DOK1: variants seen among roughly 807,000 people sequenced by gnomAD.
The protein encoded by DOK1 is Downstream of tyrosine kinase 1.
DOK1 carries 12 observed loss-of-function variants against 24.0 expected under a neutral mutation model. The observed-to-expected ratio is 0.50, with a 90% confidence interval of 0.32 to 0.81. The LOEUF (loss-of-function observed/expected upper bound fraction) is 0.81, where lower values mean the gene tolerates loss of function less well. Among genes scored for constraint, DOK1 ranks in the 30% least tolerant of loss-of-function variants. The pLI, the probability that DOK1 is intolerant of heterozygous loss-of-function variation, is 0.03. For synonymous variants in DOK1, 250 were observed against 260.9 expected, an observed-to-expected ratio of 0.96 and a Z score of 0.40; for missense variants, 591 against 620.7, an observed-to-expected ratio of 0.95 and a Z score of 0.51.
chr2:74,554,369 G>A (rs960420886), upstream of DOK1: 4 of 217,912 alleles, frequency 1.8e-5, no homozygotes, highest in Non-Finnish European at 2.7e-5. This position sits in a 1 kb window ranked among gnomAD's most constrained non-coding sequence, Gnocchi z 4.9. Flanking sequence ...ATAAAGCCCC[G>A]GAGGCCCGTG....
At chr2:74,554,383 G>T, upstream of DOK1, 1 of 243,154 alleles carries the variant, frequency 4.1e-6, no homozygotes, top group South Asian at 6.2e-5. This position sits in a 1 kb window ranked among gnomAD's most constrained non-coding sequence, Gnocchi z 4.9. Flanking sequence ...GCCCGTGTGG[G>T]TCTCTCCGGT....
At chr2:74,554,637 C>T, upstream of DOK1, 1 of 976,224 alleles carries the variant, frequency 1.0e-6, no homozygotes, top group South Asian at 1.6e-5. The surrounding 1 kb of genome is among the most constrained non-coding windows in gnomAD (Gnocchi z 4.9). Flanking sequence ...CGCGACCCCC[C>T]CAGCGGCTGC....
In DOK1 at chr2:74,556,968, G is replaced by A. The variant is rs1677522432; in HGVS notation, c.1300G>A (p.Gly434Ser). 1.2e-6 allele frequency: 2 copies of A among 1,614,202 alleles called. No homozygotes were observed. The highest frequency in any genetic ancestry group is 1.7e-6 in the Non-Finnish European group (2 of 1,180,026). The change falls in exon 5 of 5, where the codon GGT becomes AGT. Residue 434 changes from glycine to serine, a missense_variant. Gly to Ser is a moderately conservative substitution (Grantham distance 56). Transcript: ENST00000233668. This position sits in a 1 kb window ranked among gnomAD's most constrained non-coding sequence, Gnocchi z 4.1. ...KPQGPAFPEPGTATGSGIKSH... is the reference protein window; with the variant it reads ...KPQGPAFPEPSTATGSGIKSH... ...CCAGGGCCCAGCCTTCCCTGAACCT[G>A]GTACTGCAACTGGCAGTGGCATCAA... is the stretch of plus-strand genomic sequence containing the variant.
upstream of DOK1, among the ~76,000 whole-genome samples, chr2:74,551,925 CTG>C (rs1421036987): frequency 6.6e-6 from 1 of 152,264 alleles, no homozygotes; most frequent in Non-Finnish European, 1.5e-5. Flanking sequence ...GCTGCAGTGT[CTG>C]TGACCCCTTG....
Position 74,556,172 on chromosome 2 carries a change from CCTTT to C in DOK1, c.639+98_639+101del. 1 of 1,529,396 alleles carries C rather than the reference CCTTT, an allele frequency of 6.5e-7. No individual in the cohort carries two copies. Among genetic ancestry groups the C allele is most frequent in the Non-Finnish European group, 8.8e-7 (1 of 1,138,360 alleles). The allele number at this position is 1,529,396 out of a possible 1,614,324, so 94.7% of individuals were successfully genotyped here. A position where few individuals can be genotyped will look rare whatever the true frequency, so the allele number is the denominator to read the frequency against. ...TGGGAAGCTCTGACCTTTGGATCCC[CCTTT>C]CTTGCCTACCCGGTGACCCCGCGTC... On this transcript the variant is annotated intron_variant, in intron 4 of 4. Coordinates refer to ENST00000233668, the MANE Select transcript of DOK1 (RefSeq NM_001381.5). The surrounding 1 kb of genome is among the most constrained non-coding windows in gnomAD (Gnocchi z 4.1).
At chr2:74,554,377 G>A, upstream of DOK1, 1 of 244,586 alleles carries the variant, frequency 4.1e-6, no homozygotes, top group Non-Finnish European at 8.0e-6. The surrounding 1 kb of genome is among the most constrained non-coding windows in gnomAD (Gnocchi z 4.9). Context: ...CCGGAGGCCC[G>A]TGTGGGTCTC....
Position 74,554,989 on chromosome 2 carries a change from T to C in DOK1, c.61-165T>C. 1 of 1,390,750 alleles carries C rather than the reference T, an allele frequency of 7.2e-7. No homozygotes were observed. The highest frequency in any genetic ancestry group is 9.9e-7 in the Non-Finnish European group (1 of 1,011,520). The allele number at this position is 1,390,750 out of a possible 1,614,324, so 86.2% of individuals were successfully genotyped here. On this transcript the variant is annotated intron_variant, in intron 1 of 4. Transcript: ENST00000233668. This position sits in a 1 kb window ranked among gnomAD's most constrained non-coding sequence, Gnocchi z 4.9. ...GGAAGCGTCTGTAGTCTAGGGGTTC[T>C]GGTCCTGGGGAGACGGAGTGGCATC...
chr2:74,552,570 G>A (rs1161916684), upstream of DOK1: 20 of 1,608,924 alleles, frequency 1.2e-5, no homozygotes, highest in South Asian at 1.1e-4. Flanking sequence ...CCCCAAGCAC[G>A]AACTGCACAG....
upstream of DOK1, among the ~76,000 whole-genome samples, chr2:74,551,213 C>T (rs573015908): frequency 2.0e-5 from 3 of 152,348 alleles, no homozygotes; most frequent in South Asian, 2.1e-4. Flanking sequence ...GGATTATAGG[C>T]GTGAGCCACT....
At chr2:74,551,474 A>G (rs1677006037), upstream of DOK1, among the ~76,000 whole-genome samples, 1 of 152,234 alleles carries the variant, frequency 6.6e-6, no homozygotes, top group African/African-American at 2.4e-5. Flanking sequence ...AAAATCCTTC[A>G]GCCACACGAC....
upstream of DOK1, chr2:74,549,973 A>G (rs1676895812): frequency 1.0e-6 from 1 of 985,486 alleles, no homozygotes; most frequent in Non-Finnish European, 1.2e-6. The surrounding 1 kb of genome is among the most constrained non-coding windows in gnomAD (Gnocchi z 5.3). Context: ...GAAGCTGGAG[A>G]GGCTCATGCC....
Position 74,555,840 on chromosome 2 carries a change from C to T in DOK1, c.455-54C>T. ...CTATGCTCATGAGTCCTCTGGGTCC[C>T]CACTGCTGCCCCCGTCCCTCCCCCG... is the stretch of plus-strand genomic sequence containing the variant. On this transcript the variant is annotated intron_variant, in intron 3 of 4. Transcript: ENST00000233668. The surrounding 1 kb of genome is among the most constrained non-coding windows in gnomAD (Gnocchi z 6.1). 1.3e-6 allele frequency: 2 copies of T among 1,582,484 alleles called. No homozygotes were observed. Among genetic ancestry groups the T allele is most frequent in the Non-Finnish European group, 1.7e-6 (2 of 1,163,286 alleles).
chr2:74,556,955 C>A lies in DOK1; in HGVS notation c.1287C>A (p.Ala429=), dbSNP rs762206140. Residue 429 remains alanine (A), a synonymous_variant, in exon 5 of 5, where the codon GCC becomes GCA. Coordinates refer to ENST00000233668, the MANE Select transcript of DOK1 (RefSeq NM_001381.5). This position sits in a 1 kb window ranked among gnomAD's most constrained non-coding sequence, Gnocchi z 4.1. ...TTGCTCCCAAGCCCCAGGGCCCAGC[C>A]TTCCCTGAACCTGGTACTGCAACTG... ...PLLAPKPQGP[A]FPEPGTATGS... is the part of the protein sequence containing the mutation. The A allele has an allele frequency of 6.2e-7, 1 of 1,614,170 alleles. No individual in the cohort carries two copies. The highest frequency in any genetic ancestry group is 8.5e-7 in the Non-Finnish European group (1 of 1,179,996).
At chr2:74,554,592 C>G (rs867327698), upstream of DOK1, 7 of 664,260 alleles carry the variant, frequency 1.1e-5, no homozygotes, top group Middle Eastern at 8.4e-4. This position sits in a 1 kb window ranked among gnomAD's most constrained non-coding sequence, Gnocchi z 4.9. Flanking sequence ...CCGGGGGTCT[C>G]CACCATTCCT....
chr2:74,555,307 A>T lies in DOK1; in HGVS notation c.214A>T (p.Ser72Cys). 6 of 1,614,034 alleles carry T rather than the reference A, an allele frequency of 3.7e-6. No individual in the cohort carries two copies. Among genetic ancestry groups the T allele is most frequent in the African/African-American group, 1.3e-5 (1 of 75,014 alleles). Residue 72 changes from serine (S) to cysteine (C), a missense_variant, in exon 2 of 5, where the codon AGT (serine) becomes TGT (cysteine). By Grantham distance (112) the Ser-to-Cys change is moderately radical. Transcript: ENST00000233668. This position sits in a 1 kb window ranked among gnomAD's most constrained non-coding sequence, Gnocchi z 6.1. The stretch of plus-strand genomic sequence containing the variant: ...AGTGATCCGTCTGGCTGAGTGTGTG[A>T]GTGTGGCCCCCGTCACCGTGGAGAC... ...CKVIRLAECV[S>C]VAPVTVETPP...
At position 74,549,571 on chromosome 2, in the gene DOK1, G is replaced by A; in HGVS notation, c.-358+399G>A. The stretch of plus-strand genomic sequence containing the variant: ...CGAATTCGCACCTCCTCCACTTGCA[G>A]GTGATGCTCTACCTGGGGGCGGGGC... On this transcript the variant is annotated intron_variant, in intron 1 of 4. Transcript: ENST00000409429. This position sits in a 1 kb window ranked among gnomAD's most constrained non-coding sequence, Gnocchi z 5.3. The A allele has an allele frequency of 6.2e-7, 1 of 1,609,018 alleles. No individual in the cohort carries two copies. Among genetic ancestry groups the A allele is most frequent in the East Asian group, 2.2e-5 (1 of 44,702 alleles).
chr2:74,550,355 A>C, upstream of DOK1: 5 of 1,612,352 alleles, frequency 3.1e-6, no homozygotes, highest in Non-Finnish European at 4.2e-6. Context: ...CGGCCTGTGG[A>C]AGGGGAGATG....
At chr2:74,551,276 G>A (rs7569292), upstream of DOK1, among the ~76,000 whole-genome samples, 8,728 of 152,244 alleles carry the variant, frequency 0.057, 692 homozygotes, top group African/African-American at 0.18. Context: ...AGAATTGGGC[G>A]CAGCCTCAAA....
In DOK1 at chr2:74,557,381, C is replaced by T. The variant is rs41305594; in HGVS notation, c.*267C>T. The T allele has an allele frequency of 4.9e-3, 2,072 of 424,356 alleles. 36 individuals carry two copies. The highest frequency in any genetic ancestry group is 2.0e-3 in the Non-Finnish European group (475 of 234,454). The allele number at this position is 424,356 out of a possible 1,614,324, so 26.3% of individuals were successfully genotyped here. ...CCAAATGAAGGGACGGCTGTGGGACCAGGTCTGTGGAAAGTGGTGCATGGT... is the reference window on the plus strand; with the variant it reads ...CCAAATGAAGGGACGGCTGTGGGACTAGGTCTGTGGAAAGTGGTGCATGGT... On this transcript the variant is annotated 3_prime_UTR_variant, in exon 5 of 5. Transcript: ENST00000233668.
Sources: gnomAD v4.1 joint callset for allele counts (sites outside exome capture counted in the v4.1 genomes callset) on GRCh38, gnomAD v4.1.1 for gene constraint, Gnocchi (gnomAD v3.1) non-coding constraint, MANE v1.5 for transcripts, NCBI Gene and HGNC (gene_info 2026-07-23, HGNC 2026-07-21) for gene names.